FCHO1: variants seen among roughly 807,000 people sequenced by gnomAD.
The protein encoded by FCHO1 is FCH and mu domain containing endocytic adaptor 1.
A neutral mutation model predicts 114.4 loss-of-function variants in FCHO1; 45 were observed. That is an observed-to-expected ratio of 0.39 (90% CI 0.31 to 0.50). The LOEUF (loss-of-function observed/expected upper bound fraction) is 0.50, where lower values mean the gene tolerates loss of function less well. FCHO1 is among the 20% of genes least tolerant of loss of function. FCHO1 has a pLI of 0.77. For missense variants in FCHO1, 1,042 were observed against 1,209.6 expected (o/e 0.86, Z 2.06); for synonymous variants, 480 against 488.9 (o/e 0.98, Z 0.24).
chr19:17,765,410 G>A (rs1383597009), intron 6 of FCHO1, among the ~76,000 whole-genome samples: 1 of 152,126 alleles, frequency 6.6e-6, no homozygotes, highest in Non-Finnish European at 1.5e-5. Flanking sequence ...GGTGGCTCAA[G>A]CCTTTAATCC....
chr19:17,763,490 C>A (rs1470162408), intron 5 of FCHO1, among the ~76,000 whole-genome samples: 3 of 151,634 alleles, frequency 2.0e-5, no homozygotes, highest in Admixed American at 1.3e-4. Flanking sequence ...TCTCAAACTC[C>A]TGACCTCAGG....
upstream of FCHO1, among the ~76,000 whole-genome samples, chr19:17,748,852 T>C (rs1204940889): frequency 2.0e-5 from 3 of 152,198 alleles, no homozygotes; most frequent in African/African-American, 7.2e-5. Context: ...AGCCCACATT[T>C]TGTCCAATGG....
In FCHO1 at chr19:17,776,174, A is replaced by G. The variant is rs573907555; in HGVS notation, c.1182+13A>G. 5 of 1,613,858 alleles carry G rather than the reference A, an allele frequency of 3.1e-6. No homozygotes were observed. In the Admixed American group the frequency reaches 8.3e-5, roughly 27 times the overall value. ...TCCTGGCCCAGGGGTGAGGCGTGGG[A>G]GGGGTGCCCTGGGTGTTGCTAGAGA... On this transcript the variant is annotated intron_variant, in intron 16 of 28. Coordinates refer to ENST00000596536, the MANE Select transcript of FCHO1 (RefSeq NM_015122.3). The surrounding 1 kb of genome is among the most constrained non-coding windows in gnomAD (Gnocchi z 4.4).
intron 6 of FCHO1, among the ~76,000 whole-genome samples, chr19:17,766,395 C>T (rs2089185927): frequency 6.6e-6 from 1 of 152,014 alleles, no homozygotes; most frequent in Admixed American, 6.6e-5. Flanking sequence ...GACTCGGTCT[C>T]CCAAAGTGCT....
intron 26 of FCHO1, among the ~76,000 whole-genome samples, chr19:17,785,833 C>CA (rs36116021): frequency 0.45 from 58,002 of 130,222 alleles, 13,302 homozygotes; most frequent in African/African-American, 0.55. Context: ...GACTCCGTCT[C>CA]AAAAAAAAAA....
upstream of FCHO1, among the ~76,000 whole-genome samples, chr19:17,750,208 C>T (rs575579499): frequency 8.5e-5 from 13 of 152,218 alleles, no homozygotes; most frequent in African/African-American, 2.6e-4. Flanking sequence ...GGCAAGTCTC[C>T]GGCCATCTCT....
Position 17,755,200 on chromosome 19 carries a change from C to A in FCHO1, c.27+9C>A, listed in dbSNP as rs544351378. The A allele has an allele frequency of 6.2e-7, 1 of 1,605,804 alleles. No individual in the cohort carries two copies. The highest frequency in any genetic ancestry group is 1.7e-5 in the Admixed American group (1 of 58,584). ...TTGGGGAGCATTTTTGGGTAAGACC[C>A]ACTCTTATTTAGGCGGGGGATGCTG... On this transcript the variant is annotated intron_variant, in intron 4 of 28. Coordinates refer to ENST00000596536, the MANE Select transcript of FCHO1 (RefSeq NM_015122.3).
At chr19:17,770,336 G>A in intron 7 of FCHO1, 89 bp from the exon 8 acceptor site, 1 of 1,363,362 alleles carries the variant, frequency 7.3e-7, no homozygotes. Context: ...CACACACATA[G>A]AAAAAGACTG....
In FCHO1 at chr19:17,772,632, C is replaced by A; in HGVS notation, c.694-13C>A. 2 of 1,613,906 alleles carry A rather than the reference C, an allele frequency of 1.2e-6. No homozygotes were observed. The highest frequency in any genetic ancestry group is 1.7e-6 in the Non-Finnish European group (2 of 1,179,858). Reference sequence around the variant, plus strand: ...GGCCTTGACCAGTTACACACCCCGCCCACCCGGCACAGGTGCATGAGGAAT... The same window carrying A: ...GGCCTTGACCAGTTACACACCCCGCACACCCGGCACAGGTGCATGAGGAAT... On this transcript the variant is annotated splice_polypyrimidine_tract_variant and intron_variant, in intron 10 of 28. Transcript: ENST00000596536.
At chr19:17,756,851 G>A (rs1279978564) in intron 4 of FCHO1, among the ~76,000 whole-genome samples, 1 of 152,142 alleles carries the variant, frequency 6.6e-6, no homozygotes, top group South Asian at 2.1e-4. Context: ...GAGCCATGGG[G>A]GAAGTGTGAG....
In FCHO1 at chr19:17,784,660, G is replaced by A. The variant is rs902828762; in HGVS notation, c.2227-65G>A. 2.1e-5 allele frequency: 32 copies of A among 1,498,850 alleles called. No homozygotes were observed. The highest frequency in any genetic ancestry group is 2.1e-4 in the African/African-American group (15 of 72,690). 92.8% of individuals were successfully genotyped at this position (1,498,850 alleles called of 1,614,324 possible). A position where few individuals can be genotyped will look rare whatever the true frequency, so the allele number is the denominator to read the frequency against. On this transcript the variant is annotated intron_variant, in intron 25 of 28. Coordinates refer to ENST00000596536, the MANE Select transcript of FCHO1 (RefSeq NM_015122.3). This position sits in a 1 kb window ranked among gnomAD's most constrained non-coding sequence, Gnocchi z 5.3. ...ATCGCAGGGTCAAGGTGGTTGAATA[G>A]CGCATGGTGTGGCAAGACAGGATGG... is the stretch of plus-strand genomic sequence containing the variant.
chr19:17,781,900 C>A, intron 23 of FCHO1, 80 bp downstream of exon 23: 1 of 949,104 alleles, frequency 1.1e-6, no homozygotes, highest in Non-Finnish European at 1.6e-6. Flanking sequence ...AGATGTGCTT[C>A]ATGGTCTGTC....
At chr19:17,772,324 C>T in intron 9 of FCHO1, 133 bp from the exon 10 acceptor site, 2 of 686,364 alleles carry the variant, frequency 2.9e-6, no homozygotes, top group Non-Finnish European at 5.3e-6. Flanking sequence ...CTAGGGCAGA[C>T]TCTCATTGGC....
At chr19:17,787,938 T>A in intron 28 of FCHO1, 92 bp downstream of exon 28, 1 of 1,450,140 alleles carries the variant, frequency 6.9e-7, no homozygotes, top group Non-Finnish European at 9.3e-7. Context: ...GGTGTGGGGA[T>A]CCTTGGGAAA....
chr19:17,770,191 C>T (rs1174752942), intron 7 of FCHO1, among the ~76,000 whole-genome samples: 1 of 151,824 alleles, frequency 6.6e-6, no homozygotes, highest in East Asian at 1.9e-4. Flanking sequence ...ATCTCAGCTA[C>T]TTGGGAGGCT....
At chr19:17,748,325 C>A (rs1002412009), upstream of FCHO1, among the ~76,000 whole-genome samples, 4 of 152,128 alleles carry the variant, frequency 2.6e-5, no homozygotes, top group African/African-American at 9.7e-5. Context: ...TGGGGTGTCA[C>A]CTGGCCCCTC....
intron 4 of FCHO1, among the ~76,000 whole-genome samples, chr19:17,759,475 A>G (rs904319545): frequency 4.6e-5 from 7 of 151,614 alleles, no homozygotes; most frequent in Non-Finnish European, 7.4e-5. Flanking sequence ...TGCCCGCCTC[A>G]GCCTCCTGAA....
intron 6 of FCHO1, among the ~76,000 whole-genome samples, chr19:17,764,939 C>A (rs1392531777): frequency 6.6e-6 from 1 of 151,832 alleles, no homozygotes; most frequent in Non-Finnish European, 1.5e-5. Context: ...TGGCGGGTGC[C>A]TGTAATCCCA....
Position 17,781,805 on chromosome 19 carries a change from G to A in FCHO1, c.1922G>A (p.Arg641His), listed in dbSNP as rs143189987. The A allele has an allele frequency of 2.2e-5, 35 of 1,601,068 alleles. No individual in the cohort carries two copies. In the African/African-American group the frequency reaches 3.6e-4, roughly 17 times the overall value. Residue 641 changes from arginine to histidine, a missense_variant, in exon 23 of 29, where the codon CGT (arginine) becomes CAT (histidine). By Grantham distance (29) the Arg-to-His change is conservative (BLOSUM62 0). Coordinates refer to ENST00000596536, the MANE Select transcript of FCHO1 (RefSeq NM_015122.3). ...AFTEYVHAYF[R>H]GHSPSCLARV... Reference sequence around the variant, plus strand: ...ACAGAGTATGTCCACGCCTACTTCCGTGGCCACAGCCCCAGGTACCCAGTG... The same window carrying A: ...ACAGAGTATGTCCACGCCTACTTCCATGGCCACAGCCCCAGGTACCCAGTG...
Sources: gnomAD v4.1 joint callset for allele counts (sites outside exome capture counted in the v4.1 genomes callset) on GRCh38, gnomAD v4.1.1 for gene constraint, Gnocchi (gnomAD v3.1) non-coding constraint, MANE v1.5 for transcripts, NCBI Gene and HGNC (gene_info 2026-07-23, HGNC 2026-07-21) for gene names.